The following WHRN variants were observed in gnomAD, a reference collection of about 807,000 sequenced individuals.
WHRN encodes whirlin.
Under a neutral mutation model 68.3 loss-of-function variants are expected in WHRN, and 41 were observed. That is an observed-to-expected ratio of 0.60 (90% confidence interval 0.47 to 0.78). The LOEUF (loss-of-function observed/expected upper bound fraction) is 0.78. Among genes scored for constraint, WHRN ranks in the 30% least tolerant of loss-of-function variants. WHRN has a pLI of 0.00. For missense variants in WHRN, 1,243 were observed against 1,244.7 expected, an observed-to-expected ratio of 1.00 and a Z score of 0.02; for synonymous variants, 560 against 561.3, an observed-to-expected ratio of 1.00 and a Z score of 0.03.
chr9:114,435,013 A>C (rs1183960223), intron 3 of WHRN, among the ~76,000 whole-genome samples: 1 of 152,072 alleles, frequency 6.6e-6, no homozygotes, highest in East Asian at 1.9e-4. Flanking sequence ...CCTCTGCCCA[A>C]AACGTATTTC....
chr9:114,474,194 T>C (rs1158763761), intron 2 of WHRN, among the ~76,000 whole-genome samples: 5 of 152,162 alleles, frequency 3.3e-5, no homozygotes, highest in Non-Finnish European at 1.5e-5. Context: ...CCAAGGTTCA[T>C]TTTCCACCTT....
intron 1 of WHRN, among the ~76,000 whole-genome samples, chr9:114,496,991 A>G (rs77886843): frequency 0.01 from 1,525 of 152,340 alleles, 11 homozygotes; most frequent in South Asian, 0.025. Context: ...TCCTAAAGGA[A>G]GACAGTGTTT....
At position 114,402,955 on chromosome 9, in the gene WHRN, G is replaced by A. The variant is rs757830957; in HGVS notation, c.2542-19C>T. The A allele has an allele frequency of 4.4e-6, 7 of 1,601,782 alleles. No individual in the cohort carries two copies. In the African/African-American group the frequency reaches 9.4e-5, roughly 21 times the overall value. On this transcript the variant is annotated intron_variant, in intron 11 of 11. Coordinates refer to ENST00000362057, the MANE Select transcript of WHRN (RefSeq NM_015404.4). ...CGCCTCTCTGCAGGGAGGAGACACA[G>A]GGCATGGGGTGCCCAAGGGTTAGAC...
chr9:114,421,394 C>G (rs1836271406), intron 7 of WHRN, among the ~76,000 whole-genome samples: 1 of 152,188 alleles, frequency 6.6e-6, no homozygotes, highest in South Asian at 2.1e-4. Flanking sequence ...TCCTGGCACT[C>G]CAGCCTGATT....
chr9:114,497,677 T>C (rs993453743), intron 1 of WHRN, among the ~76,000 whole-genome samples: 4 of 152,172 alleles, frequency 2.6e-5, no homozygotes, highest in Non-Finnish European at 5.9e-5. Context: ...TCTGGGGATG[T>C]GGTTTGAAAA....
chr9:114,501,551 T>TAC (rs59195050), intron 1 of WHRN, among the ~76,000 whole-genome samples: 37,892 of 144,738 alleles, frequency 0.26, 4,795 homozygotes, highest in African/African-American at 0.31. Flanking sequence ...TAATTTTTAT[T>TAC]ACACACACAC....
intron 3 of WHRN, among the ~76,000 whole-genome samples, chr9:114,457,939 T>G (rs1886376): frequency 6.7e-6 from 1 of 149,436 alleles, no homozygotes; most frequent in Non-Finnish European, 1.5e-5. Context: ...AAAGTGGGCA[T>G]GAGTTTAAGC....
intron 3 of WHRN, among the ~76,000 whole-genome samples, chr9:114,431,204 A>G (rs910923651): frequency 1.4e-4 from 22 of 152,168 alleles, no homozygotes; most frequent in African/African-American, 5.3e-4. Flanking sequence ...GTGGCCCCGC[A>G]CAGCTCTCAA....
intron 3 of WHRN, among the ~76,000 whole-genome samples, chr9:114,452,461 T>C (rs1253267335): frequency 6.6e-6 from 1 of 151,360 alleles, no homozygotes; most frequent in Non-Finnish European, 1.5e-5. Context: ...GAAATTGTTC[T>C]TGTCTTGAAG....
rs4979385 is a variant in WHRN, at chr9:114,424,183, T to C, written c.1416+151A>G. 0.4 allele frequency: 350,499 copies of C among 873,868 alleles called. 73,358 individuals carry two copies. Among genetic ancestry groups the C allele is most frequent in the Admixed American group, 0.57 (27,973 of 49,424 alleles). 54.1% of individuals were successfully genotyped at this position (873,868 alleles called of 1,614,324 possible). On this transcript the variant is annotated intron_variant, in intron 6 of 11. Transcript: ENST00000362057. ...TTCCCCCAGGAGTCTGTGAGCATCCTGGGGGCAGGAGGCTGCCTCAGTCCC... is the reference window on the plus strand; with the variant it reads ...TTCCCCCAGGAGTCTGTGAGCATCCCGGGGGCAGGAGGCTGCCTCAGTCCC...
intron 3 of WHRN, among the ~76,000 whole-genome samples, chr9:114,462,045 T>C (rs954707556): frequency 6.6e-6 from 1 of 152,178 alleles, no homozygotes. Context: ...AATGTCCACA[T>C]CCTTCCACAC....
chr9:114,436,378 T>C (rs563762152), intron 3 of WHRN, among the ~76,000 whole-genome samples: 1 of 152,314 alleles, frequency 6.6e-6, no homozygotes, highest in Middle Eastern at 3.4e-3. Context: ...TTATCCATAT[T>C]TGCTCATCAA....
chr9:114,504,086 A>G, intron 1 of WHRN, 98 bp downstream of exon 1: 1 of 1,569,198 alleles, frequency 6.4e-7, no homozygotes, highest in South Asian at 1.2e-5. Context: ...CAGAAAGGCC[A>G]AGTGATTCAT....
At chr9:114,487,548 T>C (rs1403555065) in intron 1 of WHRN, among the ~76,000 whole-genome samples, 2 of 152,204 alleles carry the variant, frequency 1.3e-5, no homozygotes, top group Non-Finnish European at 2.9e-5. Flanking sequence ...CTCCTATCAA[T>C]GGACATTTAG....
At position 114,402,656 on chromosome 9, in the gene WHRN, T is replaced by C. The variant is rs936508162; in HGVS notation, c.*98A>G. ...GGATGTCTTCCTGCCACCCTGGCCA[T>C]GCAGCCCCAACCCCGCAAGGAGCTT... On this transcript the variant is annotated 3_prime_UTR_variant, in exon 12 of 12. Transcript: ENST00000362057. 1.7e-5 allele frequency: 25 copies of C among 1,499,038 alleles called. No individual in the cohort carries two copies. The highest frequency in any genetic ancestry group is 3.4e-4 in the Middle Eastern group (2 of 5,804). 92.9% of individuals were successfully genotyped at this position (1,499,038 alleles called of 1,614,324 possible). A position where few individuals can be genotyped will look rare whatever the true frequency, so the allele number is the denominator to read the frequency against.
At position 114,426,264 on chromosome 9, in the gene WHRN, C is replaced by T; in HGVS notation, c.1113G>A (p.Glu371=). The T allele has an allele frequency of 1.9e-6, 3 of 1,613,044 alleles. No individual in the cohort carries two copies. Among genetic ancestry groups the T allele is most frequent in the Non-Finnish European group, 1.7e-6 (2 of 1,180,030 alleles). Reference sequence around the variant, plus strand: ...TCCGGGAACTGGCGATCCACTTGGTCTCGTCCACAGTGGTGCGGGCATGGG... The same window carrying T: ...TCCGGGAACTGGCGATCCACTTGGTTTCGTCCACAGTGGTGCGGGCATGGG... ...RLPHARTTVD[E]TKWIASSRIR... The change falls in exon 4 of 12, where the codon GAG becomes GAA. Residue 371 remains glutamate, a synonymous_variant. Coordinates refer to ENST00000362057, the MANE Select transcript of WHRN (RefSeq NM_015404.4).
At chr9:114,498,540 T>C (rs1166660105) in intron 1 of WHRN, among the ~76,000 whole-genome samples, 1 of 152,128 alleles carries the variant, frequency 6.6e-6, no homozygotes, top group Non-Finnish European at 1.5e-5. Context: ...AATGTATGGA[T>C]GCATGTCTCT....
intron 1 of WHRN, among the ~76,000 whole-genome samples, chr9:114,495,157 C>A (rs987416437): frequency 1.3e-5 from 2 of 152,262 alleles, no homozygotes; most frequent in African/African-American, 4.8e-5. Flanking sequence ...AAGATCAGAG[C>A]ATGGGCAGCC....
At chr9:114,488,958 T>TA (rs1485062831) in intron 1 of WHRN, among the ~76,000 whole-genome samples, 1 of 152,128 alleles carries the variant, frequency 6.6e-6, no homozygotes, top group African/African-American at 2.4e-5. Flanking sequence ...GCTTCTGCTA[T>TA]AAAACTCCCC....
Sources: gnomAD v4.1 joint callset for allele counts (sites outside exome capture counted in the v4.1 genomes callset) on GRCh38, gnomAD v4.1.1 for gene constraint, MANE v1.5 for transcripts, NCBI Gene and HGNC (gene_info 2026-07-23, HGNC 2026-07-21) for gene names.